The following SLIT3 variants were observed in gnomAD, a reference collection of about 807,000 sequenced individuals.
SLIT3 encodes the protein slit homolog 3 protein.
SLIT3 carries 68 observed loss-of-function variants against 184.0 expected under a neutral mutation model. That is an observed-to-expected ratio of 0.37 (90% confidence interval 0.30 to 0.45). The LOEUF is 0.45. Among genes scored for constraint, SLIT3 ranks in the 20% least tolerant of loss-of-function variants. The pLI, the probability that SLIT3 is intolerant of heterozygous loss-of-function variation, is 1.00. For missense variants in SLIT3, 1,707 were observed against 2,026.0 expected, an observed-to-expected ratio of 0.84 and a Z score of 3.02; for synonymous variants, 831 against 828.6, an observed-to-expected ratio of 1.00 and a Z score of -0.05.
intron 16 of SLIT3, among the ~76,000 whole-genome samples, chr5:168,754,555 G>C (rs1054314748): frequency 6.6e-6 from 1 of 152,158 alleles, no homozygotes; most frequent in African/African-American, 2.4e-5. Context: ...GTGTTAGATA[G>C]GGTGACAGTC....
At chr5:168,903,158 A>G (rs1040368616) in intron 4 of SLIT3, among the ~76,000 whole-genome samples, 1 of 152,200 alleles carries the variant, frequency 6.6e-6, no homozygotes, top group Non-Finnish European at 1.5e-5. Context: ...TCATATTTAC[A>G]TGTAAATTTT....
At chr5:168,985,690 C>T (rs1396268322) in intron 4 of SLIT3, among the ~76,000 whole-genome samples, 1 of 152,142 alleles carries the variant, frequency 6.6e-6, no homozygotes, top group Non-Finnish European at 1.5e-5. Flanking sequence ...CAGATGTGCT[C>T]ACAGGAATGC....
intron 4 of SLIT3, among the ~76,000 whole-genome samples, chr5:168,915,886 G>A (rs1252124235): frequency 2.0e-5 from 3 of 152,054 alleles, no homozygotes; most frequent in Admixed American, 6.5e-5. Context: ...GACAACTGAG[G>A]GACTTGTAAT....
At chr5:168,978,761 T>C (rs1007046696) in intron 4 of SLIT3, among the ~76,000 whole-genome samples, 9 of 152,140 alleles carry the variant, frequency 5.9e-5, no homozygotes, top group Non-Finnish European at 1.3e-4. Flanking sequence ...TGAAACCCAG[T>C]CCCAGGTGAT....
At chr5:168,863,662 C>A (rs1322690070) in intron 5 of SLIT3, among the ~76,000 whole-genome samples, 1 of 152,182 alleles carries the variant, frequency 6.6e-6, no homozygotes, top group Non-Finnish European at 1.5e-5. Flanking sequence ...GGAAAGTGCG[C>A]TCTGGCATCA....
At chr5:168,722,353 G>T in intron 22 of SLIT3, 26 bp from the exon 23 acceptor site, 1 of 1,608,658 alleles carries the variant, frequency 6.2e-7, no homozygotes, top group Non-Finnish European at 8.5e-7. Context: ...CATGTGCCCT[G>T]TTGTGTCTTT....
intron 3 of SLIT3, among the ~76,000 whole-genome samples, chr5:169,210,384 T>C (rs977550973): frequency 4.6e-5 from 7 of 152,130 alleles, no homozygotes; most frequent in African/African-American, 9.7e-5. Flanking sequence ...TCATGGTCAT[T>C]ATTAAAGAGA....
chr5:168,815,740 A>G (rs1757316895), intron 8 of SLIT3, among the ~76,000 whole-genome samples: 2 of 152,210 alleles, frequency 1.3e-5, no homozygotes, highest in African/African-American at 4.8e-5. Flanking sequence ...ATTCAAGGAA[A>G]ATTCTTGTAT....
intron 4 of SLIT3, among the ~76,000 whole-genome samples, chr5:168,935,937 T>C (rs1304871138): frequency 6.6e-6 from 1 of 152,238 alleles, no homozygotes; most frequent in Non-Finnish European, 1.5e-5. Flanking sequence ...TATATTTGTC[T>C]GGCAACTGAA....
intron 27 of SLIT3, among the ~76,000 whole-genome samples, chr5:168,699,963 T>A (rs1197310331): frequency 6.6e-6 from 1 of 152,202 alleles, no homozygotes; most frequent in Non-Finnish European, 1.5e-5. Flanking sequence ...AGCACGAGGT[T>A]GGGACCTGGT....
intron 4 of SLIT3, among the ~76,000 whole-genome samples, chr5:169,140,932 C>A (rs926545391): frequency 1.1e-4 from 17 of 152,194 alleles, no homozygotes; most frequent in African/African-American, 4.1e-4. Context: ...TACAGTAGAA[C>A]CCTACCCTTG....
At chr5:168,867,182 T>C (rs1759331926) in intron 5 of SLIT3, among the ~76,000 whole-genome samples, 1 of 152,210 alleles carries the variant, frequency 6.6e-6, no homozygotes, top group African/African-American at 2.4e-5. Flanking sequence ...TTTCAAACTA[T>C]GCTTGGAAAC....
chr5:168,775,920 C>G (rs548821347), intron 12 of SLIT3, among the ~76,000 whole-genome samples: 2 of 152,308 alleles, frequency 1.3e-5, no homozygotes, highest in East Asian at 3.9e-4. Context: ...CATTGAGATC[C>G]TAAGAATTAC....
intron 1 of SLIT3, chr5:169,263,627 T>C (rs1283267401): frequency 2.0e-6 from 1 of 494,280 alleles, no homozygotes. Flanking sequence ...AGCATACAGA[T>C]ACGCCCAACG....
At chr5:168,928,537 C>T (rs1190417581) in intron 4 of SLIT3, among the ~76,000 whole-genome samples, 1 of 152,188 alleles carries the variant, frequency 6.6e-6, no homozygotes, top group African/African-American at 2.4e-5. Flanking sequence ...TCTCTGCCTA[C>T]CTTCCCTCCT....
intron 4 of SLIT3, among the ~76,000 whole-genome samples, chr5:168,888,332 A>C (rs1647363969): frequency 6.6e-6 from 1 of 152,212 alleles, no homozygotes; most frequent in African/African-American, 2.4e-5. Context: ...CCTGCCCTCC[A>C]TGAATGCTGG....
chr5:169,268,387 CCACAT>C (rs1320520901), intron 1 of SLIT3, among the ~76,000 whole-genome samples: 8 of 152,330 alleles, frequency 5.3e-5, no homozygotes, highest in African/African-American at 1.9e-4. Context: ...TCTGATGGCA[CCACAT>C]AAGACTCCCA....
At chr5:168,917,216 G>A (rs1360791480) in intron 4 of SLIT3, among the ~76,000 whole-genome samples, 1 of 152,190 alleles carries the variant, frequency 6.6e-6, no homozygotes, top group Non-Finnish European at 1.5e-5. Flanking sequence ...CCCTACCTAA[G>A]ATCAAGTGGA....
At chr5:168,932,386 ACACACT>A (rs1489077446) in intron 4 of SLIT3, among the ~76,000 whole-genome samples, 1 of 147,676 alleles carries the variant, frequency 6.8e-6, no homozygotes, top group Non-Finnish European at 1.5e-5. Context: ...ACACACACAC[ACACACT>A]ACACACACCC....
Sources: gnomAD v4.1 joint callset for allele counts (sites outside exome capture counted in the v4.1 genomes callset) on GRCh38, gnomAD v4.1.1 for gene constraint, MANE v1.5 for transcripts, NCBI Gene and HGNC (gene_info 2026-07-23, HGNC 2026-07-21) for gene names.